ELL2: variants seen among roughly 807,000 people sequenced by gnomAD.
ELL2 encodes elongation factor for RNA polymerase II 2.
Under a neutral mutation model 72.8 loss-of-function variants are expected in ELL2, and 21 were observed. The observed-to-expected ratio is 0.29, with a 90% confidence interval of 0.20 to 0.42. The LOEUF (loss-of-function observed/expected upper bound fraction) is 0.42, where lower values mean the gene tolerates loss of function less well. ELL2 is among the 10% of genes least tolerant of loss of function. The pLI is 1.00. For missense variants in ELL2, 568 were observed against 772.8 expected (o/e 0.73, Z 3.14); for synonymous variants, 266 against 283.2 (o/e 0.94, Z 0.61).
chr5:95,941,637 C>CTA (rs1022706343), intron 2 of ELL2, among the ~76,000 whole-genome samples: 1 of 152,158 alleles, frequency 6.6e-6, no homozygotes, highest in African/African-American at 2.4e-5. Flanking sequence ...CCCTAGAACC[C>CTA]TACTGCTCCT....
chr5:95,920,770 T>TA (rs761024982), intron 2 of ELL2, among the ~76,000 whole-genome samples: 2 of 152,146 alleles, frequency 1.3e-5, no homozygotes, highest in Non-Finnish European at 2.9e-5. Context: ...AAAAAAGGAT[T>TA]AGTTGGCAAG....
At chr5:95,915,493 T>C (rs1416279261) in intron 3 of ELL2, among the ~76,000 whole-genome samples, 3 of 152,240 alleles carry the variant, frequency 2.0e-5, no homozygotes, top group Non-Finnish European at 4.4e-5. Flanking sequence ...CTCATAAATA[T>C]TTATTGGGCA....
intron 3 of ELL2, among the ~76,000 whole-genome samples, chr5:95,915,845 T>C (rs1374313200): frequency 6.6e-6 from 1 of 151,968 alleles, no homozygotes; most frequent in Non-Finnish European, 1.5e-5. Context: ...CAGCTGAAGC[T>C]GAAGAGGGAA....
chr5:95,943,277 A>AG (rs575159785), intron 1 of ELL2, among the ~76,000 whole-genome samples: 30 of 151,888 alleles, frequency 2.0e-4, no homozygotes, highest in South Asian at 1.2e-3. Context: ...AAAAAAAAAA[A>AG]AAAGAAAGAA....
Position 95,907,296 on chromosome 5 carries a change from A to ATATATTTTTTTTTTTTTT in ELL2, c.482-515_482-514insAAAAAAAAAAAAAATATA. Reference sequence around the variant, plus strand: ...GTTAGTGATATATATATATATATATATTTTTTTTTTTTACAGGCCAAGACA... The same window carrying ATATATTTTTTTTTTTTTT: ...GTTAGTGATATATATATATATATATATATATTTTTTTTTTTTTTTTTTTTTTTTTTACAGGCCAAGACA... On this transcript the variant is annotated intron_variant, in intron 4 of 11. Transcript: ENST00000237853. Among the ~76,000 whole-genome samples, 385 of 116,332 alleles carry ATATATTTTTTTTTTTTTT rather than the reference A, an allele frequency of 3.3e-3. 8 individuals carry two copies. Among genetic ancestry groups the ATATATTTTTTTTTTTTTT allele is most frequent in the African/African-American group, 0.015 (369 of 24,376 alleles). The allele number at this position is 116,332 out of a possible 152,430, so 76.3% of individuals were successfully genotyped here. A position where few individuals can be genotyped will look rare whatever the true frequency, so the allele number is the denominator to read the frequency against.
chr5:95,935,970 G>C (rs145832051), intron 2 of ELL2, among the ~76,000 whole-genome samples: 1 of 152,306 alleles, frequency 6.6e-6, no homozygotes, highest in Non-Finnish European at 1.5e-5. Context: ...CTCCTACCAT[G>C]TTTGGTAAGC....
intron 10 of ELL2, among the ~76,000 whole-genome samples, chr5:95,890,427 C>T (rs1748617693): frequency 6.6e-6 from 1 of 152,170 alleles, no homozygotes; most frequent in Non-Finnish European, 1.5e-5. Flanking sequence ...TGAAGTGTGA[C>T]AAAGTTATCT....
intron 5 of ELL2, 130 bp from the exon 6 acceptor site, chr5:95,901,210 A>G: frequency 3.2e-6 from 3 of 938,128 alleles, no homozygotes. Context: ...CTAGTTTTGT[A>G]TTATATGCCA....
chr5:95,926,203 C>A (rs141633507), intron 2 of ELL2, among the ~76,000 whole-genome samples: 1 of 150,164 alleles, frequency 6.7e-6, no homozygotes, highest in African/African-American at 2.4e-5. Context: ...CTCACATCAG[C>A]CCAGATGTGC....
intron 2 of ELL2, among the ~76,000 whole-genome samples, chr5:95,931,978 G>GT (rs10627430): frequency 0.19 from 26,511 of 140,624 alleles, 2,552 homozygotes; most frequent in East Asian, 0.34. Flanking sequence ...CTGTGGGGGT[G>GT]TTTTTTTTTT....
intron 9 of ELL2, 126 bp downstream of exon 9, chr5:95,895,502 G>C: frequency 1.2e-6 from 1 of 817,276 alleles, no homozygotes; most frequent in Non-Finnish European, 2.0e-6. Flanking sequence ...CCTTTCAATT[G>C]CAAGGGTGGC....
At chr5:95,932,685 T>G (rs1355370020) in intron 2 of ELL2, 1 of 152,168 alleles carries the variant, frequency 6.6e-6, no homozygotes, top group Non-Finnish European at 1.5e-5. Context: ...GTGAGACGTT[T>G]GCAATGTTCT....
At chr5:95,933,622 A>C (rs546666709) in intron 2 of ELL2, among the ~76,000 whole-genome samples, 1 of 152,146 alleles carries the variant, frequency 6.6e-6, no homozygotes, top group Admixed American at 6.5e-5. Flanking sequence ...GGACCCTTTT[A>C]TTACTCATCT....
chr5:95,889,676 A>C (rs1440328484), intron 10 of ELL2, among the ~76,000 whole-genome samples: 1 of 152,216 alleles, frequency 6.6e-6, no homozygotes. Context: ...AATGTATCAT[A>C]ATTTAAGTTA....
In ELL2 at chr5:95,954,446, G is replaced by A. The variant is rs193074266; in HGVS notation, c.147+7129C>T. Among the ~76,000 whole-genome samples, 1,091 of 134,574 alleles carry A rather than the reference G, an allele frequency of 8.1e-3. 13 individuals carry two copies. Among genetic ancestry groups the A allele is most frequent in the African/African-American group, 0.029 (1,047 of 35,714 alleles). 88.3% of individuals were successfully genotyped at this position (134,574 alleles called of 152,430 possible). The stretch of plus-strand genomic sequence containing the variant: ...TTTTAAGACAGAGTCTTGCTCTGTC[G>A]CCCAGGCTGGAGTGCAGTGGTGCGA... On this transcript the variant is annotated intron_variant, in intron 1 of 11. Coordinates refer to ENST00000237853, the MANE Select transcript of ELL2 (RefSeq NM_012081.6).
chr5:95,941,807 G>A (rs1750979971), intron 2 of ELL2, among the ~76,000 whole-genome samples: 1 of 152,112 alleles, frequency 6.6e-6, no homozygotes, highest in African/African-American at 2.4e-5. Context: ...AAATTTGCAG[G>A]AAAACTCAAG....
In ELL2 at chr5:95,887,115, G is replaced by A. The variant is rs1269396964; in HGVS notation, c.*1756C>T. 4.6e-5 allele frequency: 7 copies of A among 152,160 alleles called. No homozygotes were observed. Among genetic ancestry groups the A allele is most frequent in the Admixed American group, 6.5e-5 (1 of 15,272 alleles). The allele number at this position is 152,160 out of a possible 1,614,324, so 9.4% of individuals were successfully genotyped here. On this transcript the variant is annotated 3_prime_UTR_variant, in exon 12 of 12. Transcript: ENST00000237853. ...TTCTGAGGTAAAAAAAGAGCACCAG[G>A]GATCTCAATGCTAAAAGAAACAGAA...
intron 2 of ELL2, among the ~76,000 whole-genome samples, chr5:95,936,374 C>T (rs1167511918): frequency 6.6e-6 from 1 of 152,118 alleles, no homozygotes; most frequent in East Asian, 1.9e-4. Flanking sequence ...TCGAGCTATC[C>T]TAAGAATATC....
intron 1 of ELL2, among the ~76,000 whole-genome samples, chr5:95,950,952 AT>A (rs1698539590): frequency 1.8e-5 from 2 of 112,188 alleles, no homozygotes; most frequent in Non-Finnish European, 3.6e-5. Flanking sequence ...ATATATATAT[AT>A]AAAATCTTCA....
Sources: allele counts gnomAD v4.1 joint callset (sites outside exome capture counted in the v4.1 genomes callset), GRCh38; gene constraint gnomAD v4.1.1; transcripts MANE v1.5; gene names NCBI Gene and HGNC (gene_info 2026-07-23, HGNC 2026-07-21).